The following XPOT variants were observed in gnomAD, a reference collection of about 807,000 sequenced individuals.
XPOT encodes the protein exportin for tRNA.
In XPOT, 34 loss-of-function variants were observed where a neutral mutation model predicts 128.2. The ratio of observed to expected loss-of-function variants is 0.27; its 90% CI spans 0.20 to 0.35. The LOEUF (loss-of-function observed/expected upper bound fraction) is 0.35, where lower values mean the gene tolerates loss of function less well. Among genes scored for constraint, XPOT ranks in the 10% least tolerant of loss-of-function variants. XPOT has a pLI of 1.00. For synonymous variants in XPOT, 348 were observed against 394.3 expected (o/e 0.88, Z 1.39); for missense variants, 838 against 1,125.3 (o/e 0.74, Z 3.65).
chr12:64,417,209 C>T (rs778563610), intron 4 of XPOT, among the ~76,000 whole-genome samples: 1 of 152,010 alleles, frequency 6.6e-6, no homozygotes, highest in Non-Finnish European at 1.5e-5. Context: ...AGCGAGACTC[C>T]GTCTCAAAAA....
At chr12:64,413,251 C>T (rs1488136594) in intron 2 of XPOT, among the ~76,000 whole-genome samples, 5 of 152,182 alleles carry the variant, frequency 3.3e-5, no homozygotes, top group African/African-American at 1.2e-4. Flanking sequence ...TGTAGGTGCA[C>T]GTCACCACTT....
At chr12:64,414,240 G>T (rs541370920) in intron 2 of XPOT, among the ~76,000 whole-genome samples, 1 of 152,164 alleles carries the variant, frequency 6.6e-6, no homozygotes, top group Non-Finnish European at 1.5e-5. Context: ...CTTGCTCCTT[G>T]TTGGCACTGT....
intron 23 of XPOT, among the ~76,000 whole-genome samples, chr12:64,440,970 C>T (rs1038103528): frequency 3.9e-5 from 6 of 152,116 alleles, no homozygotes; most frequent in Non-Finnish European, 8.8e-5. Flanking sequence ...TTCAATGTAG[C>T]CCCACTAATG....
At chr12:64,417,908 A>T (rs1334465592) in intron 4 of XPOT, 138 bp from the exon 5 acceptor site, 9 of 547,760 alleles carry the variant, frequency 1.6e-5, no homozygotes, top group Non-Finnish European at 3.2e-6. Flanking sequence ...GATGAGTGGC[A>T]TTATCAGTTT....
At chr12:64,420,929 T>G (rs1464377838) in intron 8 of XPOT, among the ~76,000 whole-genome samples, 1 of 152,140 alleles carries the variant, frequency 6.6e-6, no homozygotes, top group Non-Finnish European at 1.5e-5. Flanking sequence ...GCCTTCCGAG[T>G]AGCTGAGATT....
chr12:64,423,574 C>G (rs1316589843), intron 11 of XPOT, among the ~76,000 whole-genome samples: 2 of 152,140 alleles, frequency 1.3e-5, no homozygotes, highest in East Asian at 3.9e-4. Flanking sequence ...GTGCCTCAGC[C>G]ACCTTAGTAG....
intron 9 of XPOT, among the ~76,000 whole-genome samples, chr12:64,422,252 CT>C (rs1432619677): frequency 6.6e-6 from 1 of 152,160 alleles, no homozygotes; most frequent in African/African-American, 2.4e-5. Context: ...TGTATATTTA[CT>C]TTGAATTAAT....
chr12:64,433,421 T>C lies in XPOT; in HGVS notation c.2270T>C (p.Val757Ala). 2.6e-6 allele frequency: 4 copies of C among 1,543,474 alleles called. No individual in the cohort carries two copies. The highest frequency in any genetic ancestry group is 3.5e-6 in the Non-Finnish European group (4 of 1,139,192). ...NQITAKFKIQ[V>A]SPFLQQMFMP... is the part of the protein sequence containing the mutation. ...ATGATTGTTTATCTTCAGATACAGGTATCCCCGTTTTTACAACAGATGTTC... is the reference window on the plus strand; with the variant it reads ...ATGATTGTTTATCTTCAGATACAGGCATCCCCGTTTTTACAACAGATGTTC... Residue 757 changes from valine to alanine, a missense_variant, in exon 19 of 25, where the codon GTA becomes GCA. Physicochemically the swap from Val to Ala is moderately conservative, Grantham distance 64. Around this residue, in one of 3 missense-constraint regions of XPOT, gnomAD observed 761 missense variants for 988.3 expected, o/e 0.77. Transcript: ENST00000332707.
chr12:64,407,988 A>C (rs1457580144), intron 1 of XPOT, among the ~76,000 whole-genome samples: 1 of 152,134 alleles, frequency 6.6e-6, no homozygotes, highest in Non-Finnish European at 1.5e-5. Flanking sequence ...TGGTTTTGCT[A>C]TTCCCAAAAG....
chr12:64,430,878 T>C (rs1164152403), intron 17 of XPOT, among the ~76,000 whole-genome samples: 1 of 152,202 alleles, frequency 6.6e-6, no homozygotes, highest in African/African-American at 2.4e-5. Context: ...GGCCTAGTCA[T>C]AATAAGTGGA....
chr12:64,426,331 A>G (rs1418939355), intron 15 of XPOT, among the ~76,000 whole-genome samples: 1 of 151,560 alleles, frequency 6.6e-6, no homozygotes, highest in Non-Finnish European at 1.5e-5. Context: ...AAAATGTAGT[A>G]CACATACATC....
intron 23 of XPOT, among the ~76,000 whole-genome samples, chr12:64,440,942 G>A (rs2040320289): frequency 6.6e-6 from 1 of 152,014 alleles, no homozygotes; most frequent in Non-Finnish European, 1.5e-5. Context: ...CTTACTTTAT[G>A]GTGCAGAAGC....
chr12:64,447,319 C>T (rs2136043204), intron 24 of XPOT, among the ~76,000 whole-genome samples: 1 of 152,316 alleles, frequency 6.6e-6, no homozygotes, highest in South Asian at 2.1e-4. Flanking sequence ...CCATGGATGG[C>T]AGCATGTAGT....
chr12:64,434,484 A>C (rs2040266490), intron 19 of XPOT, 23 bp from the exon 20 acceptor site: 2 of 1,571,578 alleles, frequency 1.3e-6, no homozygotes, highest in Non-Finnish European at 8.7e-7. Context: ...GAAATTGCTT[A>C]AACTAAAGGT....
rs1400610076 is a variant in XPOT, at chr12:64,416,798, G to A, written c.200+44G>A. On this transcript the variant is annotated intron_variant, in intron 4 of 24. Transcript: ENST00000332707. ...TTTTGACTCAGATTTGCGGGGAGAG[G>A]TCATTTTTTTAATTTAATGTTTTTC... 3 of 1,512,818 alleles carry A rather than the reference G, an allele frequency of 2.0e-6. No individual in the cohort carries two copies. The African/African-American group carries it at 4.2e-5, about 21-fold the overall frequency. The allele number at this position is 1,512,818 out of a possible 1,614,324, so 93.7% of individuals were successfully genotyped here.
At chr12:64,444,990 T>TAAAA in intron 23 of XPOT, 85 bp from the exon 24 acceptor site, 10 of 728,182 alleles carry the variant, frequency 1.4e-5, no homozygotes, top group South Asian at 5.0e-5. Flanking sequence ...AAAAAAAAAT[T>TAAAA]AAAAAAAAAA....
In XPOT at chr12:64,448,793, C is replaced by G. The variant is rs1592344952; in HGVS notation, c.*662C>G. ...GTTTACAAATATGAGTGTGTGGATG[C>G]TTTAATTCATTTAACCTCACTCCTC... is the stretch of plus-strand genomic sequence containing the variant. On this transcript the variant is annotated 3_prime_UTR_variant, in exon 25 of 25. Coordinates refer to ENST00000332707, the MANE Select transcript of XPOT (RefSeq NM_007235.6). 1.3e-5 allele frequency: 2 copies of G among 152,284 alleles called. No individual in the cohort carries two copies. The highest frequency in any genetic ancestry group is 2.1e-4 in the South Asian group (1 of 4,834). 9.4% of individuals were successfully genotyped at this position (152,284 alleles called of 1,614,324 possible).
chr12:64,409,948 G>A lies in XPOT; in HGVS notation c.-74-14G>A. On this transcript the variant is annotated splice_polypyrimidine_tract_variant and intron_variant, in intron 1 of 24. Coordinates refer to ENST00000332707, the MANE Select transcript of XPOT (RefSeq NM_007235.6). ...TCAAGTAATGTTTTCTTTCAACTTTGTTTTTTGTGGCAGATGTTTATAAAT... is the reference window on the plus strand; with the variant it reads ...TCAAGTAATGTTTTCTTTCAACTTTATTTTTTGTGGCAGATGTTTATAAAT... 1.9e-6 allele frequency: 2 copies of A among 1,048,434 alleles called. No individual in the cohort carries two copies. The highest frequency in any genetic ancestry group is 2.9e-6 in the Non-Finnish European group (2 of 681,016). The allele number at this position is 1,048,434 out of a possible 1,614,324, so 64.9% of individuals were successfully genotyped here.
In XPOT at chr12:64,425,327, T is replaced by A; in HGVS notation, c.1453-11T>A. On this transcript the variant is annotated splice_polypyrimidine_tract_variant and intron_variant, in intron 13 of 24. Transcript: ENST00000332707. ...AATAAGAAGAGGTTTCCTAACTTTTTCCTGATCTAGCTGGTAACATCAGGA... is the reference window on the plus strand; with the variant it reads ...AATAAGAAGAGGTTTCCTAACTTTTACCTGATCTAGCTGGTAACATCAGGA... The A allele has an allele frequency of 6.2e-7, 1 of 1,611,978 alleles. No individual in the cohort carries two copies. Among genetic ancestry groups the A allele is most frequent in the Non-Finnish European group, 8.5e-7 (1 of 1,179,418 alleles).
Sources: allele counts gnomAD v4.1 joint callset (sites outside exome capture counted in the v4.1 genomes callset), GRCh38; gene constraint gnomAD v4.1.1; regional missense constraint gnomAD v4.1.1; transcripts MANE v1.5; gene names NCBI Gene and HGNC (gene_info 2026-07-23, HGNC 2026-07-21).